FAM184B: variants seen among roughly 807,000 people sequenced by gnomAD.
FAM184B encodes the protein family with sequence similarity 184 member B, also known as protein FAM184B.
A neutral mutation model predicts 135.9 loss-of-function variants in FAM184B; 111 were observed. The observed-to-expected ratio is 0.82, with a 90% CI of 0.70 to 0.96. The LOEUF (loss-of-function observed/expected upper bound fraction) is 0.96, where lower values mean the gene tolerates loss of function less well. Ranked by LOEUF, FAM184B falls within the 40% of genes least tolerant of loss-of-function variation. The pLI is 0.00. For synonymous variants in FAM184B, 552 were observed against 524.8 expected, an observed-to-expected ratio of 1.05 and a Z score of -0.71; for missense variants, 1,375 against 1,323.9, an observed-to-expected ratio of 1.04 and a Z score of -0.60.
At chr4:17,718,266 G>A (rs151180095) in intron 1 of FAM184B, among the ~76,000 whole-genome samples, 1 of 152,256 alleles carries the variant, frequency 6.6e-6, no homozygotes, top group East Asian at 1.9e-4. Context: ...AAGTCATTGA[G>A]CTAAAAAGTG....
Position 17,707,747 on chromosome 4 carries a change from TTCTCC to T in FAM184B, c.927_931del (p.Glu310PhefsTer38), listed in dbSNP as rs1457966699. 16 of 1,551,860 alleles carry T rather than the reference TTCTCC, an allele frequency of 1.0e-5. No homozygotes were observed. Among genetic ancestry groups the T allele is most frequent in the Admixed American group, 2.0e-5 (1 of 50,992 alleles). The stretch of plus-strand genomic sequence containing the variant: ...TTTTGCAGTGCCTTTCAACTCTGAA[TTCTCC>T]TGTCGAGCCTCCTTAAGCTGCACAT... On this transcript the variant is annotated frameshift_variant, in exon 3 of 18. Transcript: ENST00000265018. LOFTEE classifies it high-confidence loss of function.
chr4:17,776,715 A>G (rs564283370), intron 1 of FAM184B, among the ~76,000 whole-genome samples: 2 of 152,294 alleles, frequency 1.3e-5, no homozygotes, highest in South Asian at 4.1e-4. Context: ...TTAATCAGAA[A>G]AGTAAGGTTT....
chr4:17,633,700 T>G lies in FAM184B; in HGVS notation c.3078A>C (p.Lys1026Asn), dbSNP rs1267348656. ...TYKPNQSTDA[K>N]TATRTPDGET... ...AACATCCCCCAAACCTTGTGGCAGT[T>G]TTTGCATCTGTAGACTGGTTGGGTT... The change falls in exon 17 of 18, where the codon AAA becomes AAC. Residue 1026 changes from lysine (K) to asparagine (N), a missense_variant. Physicochemically the swap from Lys to Asn is moderately conservative, Grantham distance 94. Transcript: ENST00000265018. 1 of 1,534,000 alleles carries G rather than the reference T, an allele frequency of 6.5e-7. No homozygotes were observed. The highest frequency in any genetic ancestry group is 8.8e-7 in the Non-Finnish European group (1 of 1,138,214).
At position 17,629,728 on chromosome 4, in the gene FAM184B, C is replaced by CG. The variant is rs1196999071; in HGVS notation, c.*2803dup. ...TACGCCATCACTGTCATCTCTAGACCGCTCTGCTGTTGAGAGATTGATGGA... is the reference window on the plus strand; with the variant it reads ...TACGCCATCACTGTCATCTCTAGACCGGCTCTGCTGTTGAGAGATTGATGGA... On this transcript the variant is annotated 3_prime_UTR_variant, in exon 18 of 18. Coordinates refer to ENST00000265018, the MANE Select transcript of FAM184B (RefSeq NM_015688.2). 2.6e-5 allele frequency: 4 copies of CG among 152,264 alleles called. No individual in the cohort carries two copies. The East Asian group carries it at 5.8e-4, about 22-fold the overall frequency. The allele number at this position is 152,264 out of a possible 1,614,324, so 9.4% of individuals were successfully genotyped here. A position where few individuals can be genotyped will look rare whatever the true frequency, so the allele number is the denominator to read the frequency against.
intron 1 of FAM184B, among the ~76,000 whole-genome samples, chr4:17,716,750 C>T (rs1488468471): frequency 6.6e-6 from 1 of 152,142 alleles, no homozygotes; most frequent in African/African-American, 2.4e-5. Flanking sequence ...TCTCCAATCC[C>T]CTGCTCAGCT....
intron 7 of FAM184B, among the ~76,000 whole-genome samples, chr4:17,666,469 C>CTTTTTTTTTTTTT (rs386399397): frequency 3.1e-3 from 178 of 57,092 alleles, no homozygotes; most frequent in East Asian, 3.9e-3. Context: ...GTGCCTGGTT[C>CTTTTTTTTTTTTT]TTTTTTTTTT....
chr4:17,662,924 C>G (rs1411619572), intron 8 of FAM184B, among the ~76,000 whole-genome samples: 3 of 152,060 alleles, frequency 2.0e-5, no homozygotes, highest in Non-Finnish European at 2.9e-5. Flanking sequence ...TGCATATGAG[C>G]CACTCACATA....
chr4:17,710,973 T>G (rs1039561091), intron 1 of FAM184B, among the ~76,000 whole-genome samples: 2 of 151,294 alleles, frequency 1.3e-5, no homozygotes, highest in Non-Finnish European at 1.5e-5. Flanking sequence ...AGGAGGGGGG[T>G]GAAGTCAGGA....
At chr4:17,657,257 C>T (rs1715795990) in intron 10 of FAM184B, among the ~76,000 whole-genome samples, 1 of 152,194 alleles carries the variant, frequency 6.6e-6, no homozygotes, top group Non-Finnish European at 1.5e-5. Flanking sequence ...TTCCACATGG[C>T]CAAATCTGTC....
intron 12 of FAM184B, among the ~76,000 whole-genome samples, chr4:17,642,499 C>T (rs1318890720): frequency 1.3e-5 from 2 of 152,166 alleles, no homozygotes; most frequent in African/African-American, 2.4e-5. Flanking sequence ...CAACCACACT[C>T]CACACTCCAC....
chr4:17,772,350 C>T (rs1213933495), intron 1 of FAM184B, among the ~76,000 whole-genome samples: 1 of 152,130 alleles, frequency 6.6e-6, no homozygotes, highest in Non-Finnish European at 1.5e-5. Flanking sequence ...ATACTATTGT[C>T]TCTATTAATG....
chr4:17,711,335 C>A (rs182359094), intron 1 of FAM184B, among the ~76,000 whole-genome samples: 1 of 151,880 alleles, frequency 6.6e-6, no homozygotes, highest in Non-Finnish European at 1.5e-5. Context: ...AAAAATTAGC[C>A]GGGCGTGGGG....
Position 17,781,363 on chromosome 4 carries a change from T to C in FAM184B, c.-64A>G, listed in dbSNP as rs1719030097. 2.8e-6 allele frequency: 4 copies of C among 1,415,574 alleles called. No individual in the cohort carries two copies. Among genetic ancestry groups the C allele is most frequent in the African/African-American group, 1.5e-5 (1 of 67,584 alleles). 87.7% of individuals were successfully genotyped at this position (1,415,574 alleles called of 1,614,324 possible). A position where few individuals can be genotyped will look rare whatever the true frequency, so the allele number is the denominator to read the frequency against. On this transcript the variant is annotated 5_prime_UTR_variant, in exon 1 of 18. Coordinates refer to ENST00000265018, the MANE Select transcript of FAM184B (RefSeq NM_015688.2). This position sits in a 1 kb window ranked among gnomAD's most constrained non-coding sequence, Gnocchi z 6.5. ...TCCCTGCCCACCGTGTGCACGTGCG[T>C]GCGCGCGCGGGCGTGCGAGCGTGTG...
At chr4:17,649,578 C>A (rs6844755) in intron 11 of FAM184B, among the ~76,000 whole-genome samples, 1 of 144,744 alleles carries the variant, frequency 6.9e-6, no homozygotes, top group African/African-American at 2.7e-5. Context: ...AGCAAGACTC[C>A]ATCTCAAAAA....
chr4:17,734,452 C>G (rs1301974456), intron 1 of FAM184B, among the ~76,000 whole-genome samples: 2 of 152,022 alleles, frequency 1.3e-5, no homozygotes, highest in Non-Finnish European at 2.9e-5. Flanking sequence ...GCCTAATATC[C>G]AGAATCTACA....
At chr4:17,704,720 C>T (rs773540300) in intron 5 of FAM184B, among the ~76,000 whole-genome samples, 3 of 152,190 alleles carry the variant, frequency 2.0e-5, no homozygotes, top group Non-Finnish European at 4.4e-5. Context: ...GTTCACCACT[C>T]GTGACACAAT....
intron 1 of FAM184B, among the ~76,000 whole-genome samples, chr4:17,745,089 G>A (rs1718131678): frequency 6.6e-6 from 1 of 152,154 alleles, no homozygotes; most frequent in African/African-American, 2.4e-5. Context: ...ACCTTCAGGG[G>A]GCTGACATCT....
chr4:17,729,563 G>A (rs907278898), intron 1 of FAM184B, among the ~76,000 whole-genome samples: 19 of 152,204 alleles, frequency 1.2e-4, no homozygotes, highest in Admixed American at 9.2e-4. Flanking sequence ...CTAGAGGAAC[G>A]ATCAGGCAGC....
At chr4:17,741,046 G>C (rs1180015001) in intron 1 of FAM184B, among the ~76,000 whole-genome samples, 1 of 152,112 alleles carries the variant, frequency 6.6e-6, no homozygotes, top group East Asian at 1.9e-4. Flanking sequence ...TCTCTCTTTT[G>C]TTCAATCATT....
Sources: gnomAD v4.1 joint callset for allele counts (sites outside exome capture counted in the v4.1 genomes callset) on GRCh38, gnomAD v4.1.1 for gene constraint, Gnocchi (gnomAD v3.1) non-coding constraint, MANE v1.5 for transcripts, NCBI Gene and HGNC (gene_info 2026-07-23, HGNC 2026-07-21) for gene names.